NOS1: variants seen among roughly 807,000 people sequenced by gnomAD.
The protein encoded by NOS1 is NOS type I.
Under a neutral mutation model 164.5 loss-of-function variants are expected in NOS1, and 51 were observed. The ratio of observed to expected loss-of-function variants is 0.31; its 90% CI spans 0.25 to 0.39. NOS1 has a LOEUF of 0.39. Ranked by LOEUF, NOS1 falls within the 10% of genes least tolerant of loss-of-function variation. The probability of loss-of-function intolerance (pLI) is 1.00; values close to 1 mark genes in which losing one functional copy is unlikely to be tolerated. For missense variants in NOS1, 1,362 were observed against 1,885.6 expected, an observed-to-expected ratio of 0.72 and a Z score of 5.14; for synonymous variants, 719 against 745.8, an observed-to-expected ratio of 0.96 and a Z score of 0.59.
chr12:117,221,424 C>A (rs970404376), intron 26 of NOS1, among the ~76,000 whole-genome samples: 2 of 151,672 alleles, frequency 1.3e-5, no homozygotes, highest in African/African-American at 4.8e-5. Context: ...GCTGGGACTA[C>A]AAGAATGTGC....
rs1250511479 is a variant in NOS1, at chr12:117,220,121, C to G, written c.4124G>C (p.Gly1375Ala). 6.2e-7 allele frequency: 1 copy of G among 1,613,642 alleles called. No individual in the cohort carries two copies. Among genetic ancestry groups the G allele is most frequent in the Non-Finnish European group, 8.5e-7 (1 of 1,179,786 alleles). ...KAIQRIMTQQ[G>A]KLSAEDAGVF... ...GCCGGCGTCCTCTGCCGAGAGCTTC[C>G]CCTGCTGGGTCATGATGCGCTGGAT... Residue 1375 changes from glycine to alanine, a missense_variant, in exon 27 of 29, where the codon GGG becomes GCG. By Grantham distance (60) the Gly-to-Ala change is moderately conservative. This residue lies in a region of NOS1 where 737 missense variants were observed against 1,030.3 expected (regional missense o/e 0.72). Transcript: ENST00000317775.
chr12:117,241,124 C>T (rs1870138996), intron 20 of NOS1, among the ~76,000 whole-genome samples: 1 of 151,664 alleles, frequency 6.6e-6, no homozygotes, highest in African/African-American at 2.4e-5. Flanking sequence ...ATTTTTAGTA[C>T]AGACGGGGTT....
chr12:117,324,292 C>T (rs1875131459), intron 2 of NOS1, among the ~76,000 whole-genome samples: 1 of 152,148 alleles, frequency 6.6e-6, no homozygotes, highest in Non-Finnish European at 1.5e-5. Context: ...AAGTGCTCTA[C>T]AAGAGGGAGG....
intron 2 of NOS1, among the ~76,000 whole-genome samples, chr12:117,318,267 C>T (rs573989916): frequency 7.2e-5 from 11 of 152,136 alleles, no homozygotes; most frequent in Non-Finnish European, 1.6e-4. Flanking sequence ...ATCAGAAGCA[C>T]CCCAGGTGGT....
chr12:117,334,929 A>C (rs1192137365), intron 1 of NOS1, among the ~76,000 whole-genome samples: 1 of 152,148 alleles, frequency 6.6e-6, no homozygotes, highest in Admixed American at 6.5e-5. Flanking sequence ...CTCCTGCCCC[A>C]GGGAAGAGTT....
rs1875472473 is a variant in NOS1 at position 117,330,348 on chromosome 12, T to C, written c.722A>G (p.Asp241Gly). Residue 241 changes from aspartate (D) to glycine (G), a missense_variant, in exon 2 of 29, where the codon GAC becomes GGC. Coordinates refer to ENST00000317775, the MANE Select transcript of NOS1 (RefSeq NM_000620.5). This position sits in a 1 kb window ranked among gnomAD's most constrained non-coding sequence, Gnocchi z 4.6. The stretch of plus-strand genomic sequence containing the variant: ...CACACACCCCTGTGGAGCTTACCTG[T>C]CCACCTGGATTCCCATATCTTTCAT... ...AEMKDMGIQV[D>G]RDLDGKSHKP... 1 of 1,610,190 alleles carries C rather than the reference T, an allele frequency of 6.2e-7. No homozygotes were observed. The highest frequency in any genetic ancestry group is 1.3e-5 in the African/African-American group (1 of 74,784).
intron 3 of NOS1, chr12:117,304,930 AG>A (rs1263404987): frequency 2.4e-6 from 2 of 830,400 alleles, no homozygotes; most frequent in Non-Finnish European, 2.9e-6. Flanking sequence ...CTCCTGTGTT[AG>A]GAAGTTCTTC....
Position 117,295,795 on chromosome 12 carries a change from T to A in NOS1, c.853-5369A>T, listed in dbSNP as rs917162772. The stretch of plus-strand genomic sequence containing the variant: ...CCACCATGCCTGGCTAATTTTTCTA[T>A]TTTTTTTTTTTTTAGTAGAGACGAG... On this transcript the variant is annotated intron_variant, in intron 3 of 28. Coordinates refer to ENST00000317775, the MANE Select transcript of NOS1 (RefSeq NM_000620.5). Among the ~76,000 whole-genome samples the A allele has an allele frequency of 3.6e-5, 5 of 140,778 alleles. No homozygotes were observed. In the South Asian group the frequency reaches 9.0e-4, roughly 25 times the overall value. The allele number at this position is 140,778 out of a possible 152,430, so 92.4% of individuals were successfully genotyped here.
chr12:117,271,549 C>T (rs567352046), intron 10 of NOS1, among the ~76,000 whole-genome samples: 3 of 152,294 alleles, frequency 2.0e-5, no homozygotes, highest in African/African-American at 4.8e-5. Context: ...GCTGGGATTA[C>T]AGGCATGAGC....
chr12:117,213,858 C>T lies in NOS1; in HGVS notation c.*1451G>A, dbSNP rs1438784162. On this transcript the variant is annotated 3_prime_UTR_variant, in exon 29 of 29. Coordinates refer to ENST00000317775, the MANE Select transcript of NOS1 (RefSeq NM_000620.5). ...TATTTAAAAAAGTATACAAAGGGAT[C>T]CCTTCCCACCATTTACTCTGAGAGA... is the stretch of plus-strand genomic sequence containing the variant. The T allele has an allele frequency of 1.0e-6, 1 of 985,242 alleles. No homozygotes were observed. Among genetic ancestry groups the T allele is most frequent in the East Asian group, 1.1e-4 (1 of 8,830 alleles). The allele number at this position is 985,242 out of a possible 1,614,324, so 61.0% of individuals were successfully genotyped here.
Position 117,231,976 on chromosome 12 carries a change from G to A in NOS1, c.3391C>T (p.Leu1131=). The stretch of plus-strand genomic sequence containing the variant: ...TGGGGACCCACCTTGCTGAGGACCA[G>A]CAGACGCTGCTTCTCCTTCTCGCTG... ...ATSEKEKQRL[L]VLSKGLQEYE... Residue 1131 remains leucine, a synonymous_variant, in exon 22 of 29, where the codon CTG becomes TTG. Coordinates refer to ENST00000317775, the MANE Select transcript of NOS1 (RefSeq NM_000620.5). 6.2e-7 allele frequency: 1 copy of A among 1,612,464 alleles called. No individual in the cohort carries two copies.
intron 22 of NOS1, among the ~76,000 whole-genome samples, chr12:117,230,388 T>C (rs569300313): frequency 8.7e-4 from 133 of 152,368 alleles, no homozygotes; most frequent in African/African-American, 3.1e-3. Context: ...TTAAAAATAA[T>C]GGTCTCCTGT....
chr12:117,306,977 G>A (rs1874182115), intron 3 of NOS1, among the ~76,000 whole-genome samples: 1 of 152,160 alleles, frequency 6.6e-6, no homozygotes, highest in Non-Finnish European at 1.5e-5. Context: ...ACACTTATCT[G>A]ATCTTCAAAA....
At chr12:117,357,639 TCCTGG>T (rs1876915415) in intron 1 of NOS1, among the ~76,000 whole-genome samples, 10 of 152,104 alleles carry the variant, frequency 6.6e-5, no homozygotes, top group African/African-American at 2.4e-4. Flanking sequence ...TATTAGAATC[TCCTGG>T]AGCAACCTTG....
chr12:117,243,071 A>T lies in NOS1; in HGVS notation c.2962+226T>A, dbSNP rs1320836979. Among the ~76,000 whole-genome samples, 3 of 152,082 alleles carry T rather than the reference A, an allele frequency of 2.0e-5. No individual in the cohort carries two copies. The highest frequency in any genetic ancestry group is 4.4e-5 in the Non-Finnish European group (3 of 68,022). ...ATAGTTGAGTTAAGTTGAGAAGAGG[A>T]TGGTTTGGAAGAACACAGTACATTA... On this transcript the variant is annotated intron_variant, in intron 19 of 28. Coordinates refer to ENST00000317775, the MANE Select transcript of NOS1 (RefSeq NM_000620.5). The surrounding 1 kb of genome is among the most constrained non-coding windows in gnomAD (Gnocchi z 4.3).
At chr12:117,237,890 G>T (rs975895366) in intron 20 of NOS1, among the ~76,000 whole-genome samples, 6 of 152,076 alleles carry the variant, frequency 3.9e-5, no homozygotes, top group Non-Finnish European at 7.4e-5. Context: ...TGGTGATGTG[G>T]ACGAGTGGGT....
chr12:117,352,130 G>T (rs1230370668), intron 1 of NOS1, among the ~76,000 whole-genome samples: 2 of 152,112 alleles, frequency 1.3e-5, no homozygotes, highest in Non-Finnish European at 2.9e-5. Context: ...CCATCATCAC[G>T]CCACTGCACT....
At chr12:117,256,008 C>A in intron 16 of NOS1, 3 of 1,465,644 alleles carry the variant, frequency 2.0e-6, no homozygotes, top group Middle Eastern at 1.8e-4. Context: ...AGGCCCTTTA[C>A]GGGGAAAGAA....
chr12:117,304,898 A>G (rs1446256817), intron 3 of NOS1: 1 of 571,934 alleles, frequency 1.7e-6, no homozygotes, highest in African/African-American at 2.0e-5. Flanking sequence ...AGACCTCACT[A>G]TTTCCTCCAG....
Sources: allele counts gnomAD v4.1 joint callset (sites outside exome capture counted in the v4.1 genomes callset), GRCh38; gene constraint gnomAD v4.1.1; regional missense constraint gnomAD v4.1.1; non-coding constraint Gnocchi (gnomAD v3.1); transcripts MANE v1.5; gene names NCBI Gene and HGNC (gene_info 2026-07-23, HGNC 2026-07-21).